Variants in AFF1 observed in about 807,000 individuals in gnomAD.
The protein encoded by AFF1 is ALF transcription elongation factor 1.
Under a neutral mutation model 121.7 loss-of-function variants are expected in AFF1, and 48 were observed. That is an observed-to-expected ratio of 0.39 (90% CI 0.31 to 0.50). The LOEUF (loss-of-function observed/expected upper bound fraction) is 0.50. AFF1 is among the 20% of genes least tolerant of loss of function. AFF1 has a pLI of 0.76. For missense variants in AFF1, 1,523 were observed against 1,511.7 expected (o/e 1.01, Z -0.12); for synonymous variants, 613 against 563.0 (o/e 1.09, Z -1.26).
chr4:86,945,035 C>T (rs1422151124), intron 1 of AFF1, among the ~76,000 whole-genome samples: 1 of 152,104 alleles, frequency 6.6e-6, no homozygotes, highest in Non-Finnish European at 1.5e-5. Flanking sequence ...TGGAACATTC[C>T]AAAATGAAAT....
Position 87,046,814 on chromosome 4 carries a change from G to T in AFF1, c.279G>T (p.Arg93Ser). 1.9e-6 allele frequency: 3 copies of T among 1,614,208 alleles called. No individual in the cohort carries two copies. The African/African-American group carries it at 4.0e-5, about 22-fold the overall frequency. ...HTHRLDASENRLGKPKYPLIP... is the reference protein window; with the variant it reads ...HTHRLDASENSLGKPKYPLIP... ...ATCGCCTGGATGCTTCTGAAAATAG[G>T]TTGGGAAAGCCGAAATATCCTTTAA... is the stretch of plus-strand genomic sequence containing the variant. Residue 93 changes from arginine to serine, a missense_variant, in exon 4 of 21, where the codon AGG becomes AGT. Arg to Ser is a moderately radical substitution (Grantham distance 110, BLOSUM62 -1). Coordinates refer to ENST00000395146, the MANE Select transcript of AFF1 (RefSeq NM_001166693.3).
intron 2 of AFF1, among the ~76,000 whole-genome samples, chr4:87,026,860 G>A (rs1728580850): frequency 6.6e-6 from 1 of 152,156 alleles, no homozygotes; most frequent in African/African-American, 2.4e-5. Context: ...CAAACTAGAT[G>A]AAATAGAACC....
rs1236661056 is a variant in AFF1, at chr4:87,136,323, A to AC, written c.*627dup. The AC allele has an allele frequency of 4.3e-6, 1 of 232,222 alleles. No homozygotes were observed. The highest frequency in any genetic ancestry group is 6.1e-5 in the East Asian group (1 of 16,460). The allele number at this position is 232,222 out of a possible 1,614,324, so 14.4% of individuals were successfully genotyped here. A position where few individuals can be genotyped will look rare whatever the true frequency, so the allele number is the denominator to read the frequency against. On this transcript the variant is annotated 3_prime_UTR_variant, in exon 21 of 21. Coordinates refer to ENST00000395146, the MANE Select transcript of AFF1 (RefSeq NM_001166693.3). Reference sequence around the variant, plus strand: ...GTTGTAATTTATAAAATTGAAGGCAACCCCCGCTCCTGCCGCCCCCAATCT... The same window carrying AC: ...GTTGTAATTTATAAAATTGAAGGCAACCCCCCGCTCCTGCCGCCCCCAATCT...
intron 4 of AFF1, among the ~76,000 whole-genome samples, chr4:87,065,802 T>C (rs911991862): frequency 2.6e-4 from 40 of 151,966 alleles, no homozygotes; most frequent in Admixed American, 7.9e-4. Context: ...CCATTATTTT[T>C]CCCCCCCCTT....
chr4:87,011,078 CAAAAA>C (rs10715968), intron 2 of AFF1, among the ~76,000 whole-genome samples: 3 of 70,780 alleles, frequency 4.2e-5, no homozygotes, highest in South Asian at 5.1e-4. Context: ...GACTCCGTCT[CAAAAA>C]AAAAAAAAAA....
chr4:87,087,073 G>C (rs1723814970), intron 5 of AFF1, among the ~76,000 whole-genome samples: 1 of 152,192 alleles, frequency 6.6e-6, no homozygotes, highest in Admixed American at 6.5e-5. Context: ...AGACACCTCA[G>C]ATTTTCTACT....
At chr4:87,099,090 G>A (rs1725163109) in intron 8 of AFF1, among the ~76,000 whole-genome samples, 1 of 152,188 alleles carries the variant, frequency 6.6e-6, no homozygotes, top group Non-Finnish European at 1.5e-5. Context: ...TTTAAATCAT[G>A]CTTAGCCTAA....
chr4:87,069,027 G>C (rs1390539598), intron 4 of AFF1, among the ~76,000 whole-genome samples: 1 of 152,158 alleles, frequency 6.6e-6, no homozygotes, highest in Non-Finnish European at 1.5e-5. Flanking sequence ...AGTGAGAGGT[G>C]AGGCCACAAG....
intron 2 of AFF1, among the ~76,000 whole-genome samples, chr4:87,013,164 C>A (rs982564797): frequency 2.1e-5 from 3 of 142,532 alleles, no homozygotes; most frequent in Non-Finnish European, 3.0e-5. Flanking sequence ...CCTCAGCCTC[C>A]GGAGTAGCTG....
chr4:87,023,862 A>G (rs1728269061), intron 2 of AFF1, among the ~76,000 whole-genome samples: 1 of 152,198 alleles, frequency 6.6e-6, no homozygotes, highest in Non-Finnish European at 1.5e-5. Context: ...TGGATGGAGA[A>G]AGAGGAGTGG....
Position 87,072,455 on chromosome 4 carries a change from A to G in AFF1, c.1060-11665A>G, listed in dbSNP as rs571297727. ...TCTCCTTGGCACTTATTAAATACCT[A>G]TTTAAAATAAATTCAAGAATAACTT... On this transcript the variant is annotated intron_variant, in intron 4 of 20. Transcript: ENST00000395146. Among the ~76,000 whole-genome samples, 28 of 151,788 alleles carry G rather than the reference A, an allele frequency of 1.8e-4. No homozygotes were observed. In the South Asian group the frequency reaches 5.0e-3, roughly 27 times the overall value.
intron 2 of AFF1, among the ~76,000 whole-genome samples, chr4:87,013,112 C>T (rs1015980887): frequency 2.8e-5 from 4 of 140,786 alleles, no homozygotes; most frequent in Non-Finnish European, 6.0e-5. Flanking sequence ...GGTGCGATCT[C>T]GGCTCACAGC....
At chr4:87,034,026 G>C (rs1462266666) in intron 2 of AFF1, among the ~76,000 whole-genome samples, 1 of 152,144 alleles carries the variant, frequency 6.6e-6, no homozygotes, top group African/African-American at 2.4e-5. Context: ...GATGATGACG[G>C]AACAGATGAG....
intron 2 of AFF1, among the ~76,000 whole-genome samples, chr4:86,984,572 C>T (rs1446133373): frequency 1.3e-5 from 2 of 152,144 alleles, no homozygotes; most frequent in Non-Finnish European, 1.5e-5. Context: ...GTCCGCCCGC[C>T]TCGGCCTCCC....
intron 4 of AFF1, among the ~76,000 whole-genome samples, chr4:87,079,029 T>C (rs996992477): frequency 2.0e-5 from 3 of 152,138 alleles, no homozygotes; most frequent in African/African-American, 7.2e-5. Flanking sequence ...AATGAGGAAA[T>C]AGTCCCAAAG....
intron 16 of AFF1, among the ~76,000 whole-genome samples, chr4:87,128,867 G>C (rs951189578): frequency 6.6e-6 from 1 of 152,186 alleles, no homozygotes; most frequent in African/African-American, 2.4e-5. Context: ...GGTTTCAGCA[G>C]CTTCCATTTT....
At chr4:87,098,056 T>C (rs1324069961) in intron 8 of AFF1, among the ~76,000 whole-genome samples, 1 of 152,128 alleles carries the variant, frequency 6.6e-6, no homozygotes, top group Non-Finnish European at 1.5e-5. Context: ...AAAAAACCAA[T>C]CTAGGTCTTA....
Position 87,047,138 on chromosome 4 carries a change from A to C in AFF1, c.603A>C (p.Pro201=), listed in dbSNP as rs2149614997. ...DHCASVTDSA[P]ERELSPLISL... is the part of the protein sequence containing the mutation. The stretch of plus-strand genomic sequence containing the variant: ...GTGCTTCGGTGACAGATTCGGCTCC[A>C]GAGAGGGAGCTTTCTCCCTTAATCT... Residue 201 remains proline, a synonymous_variant, in exon 4 of 21, where the codon CCA becomes CCC. Coordinates refer to ENST00000395146, the MANE Select transcript of AFF1 (RefSeq NM_001166693.3). 6.2e-7 allele frequency: 1 copy of C among 1,614,242 alleles called. No individual in the cohort carries two copies. The highest frequency in any genetic ancestry group is 8.5e-7 in the Non-Finnish European group (1 of 1,180,036).
chr4:87,007,543 C>T, intron 2 of AFF1: 2 of 1,331,290 alleles, frequency 1.5e-6, no homozygotes, highest in East Asian at 2.3e-5. Flanking sequence ...TCATTGCCTT[C>T]TCATCATTCC....
Sources: allele counts gnomAD v4.1 joint callset (sites outside exome capture counted in the v4.1 genomes callset), GRCh38; gene constraint gnomAD v4.1.1; transcripts MANE v1.5; gene names NCBI Gene and HGNC (gene_info 2026-07-23, HGNC 2026-07-21).